Variants in BMAL1 observed in about 807,000 individuals in gnomAD.
BMAL1 encodes the protein basic helix-loop-helix ARNT like 1, also known as basic helix-loop-helix ARNT-like protein 1.
At chr11:13,331,644 G>T in the BMAL1 span, among the ~76,000 whole-genome samples, 1 of 152,200 alleles carries the variant, frequency 6.6e-6, no homozygotes, top group Non-Finnish European at 1.5e-5. Context: ...CCTGGTAGAA[G>T]AATAATAACT....
the BMAL1 span, chr11:13,365,427 A>G: frequency 1.4e-5 from 19 of 1,371,622 alleles, no homozygotes; most frequent in South Asian, 3.7e-5. Context: ...CACATCCTCT[A>G]TTTGTTATCA....
the BMAL1 span, chr11:13,354,244 C>G: frequency 3.3e-6 from 5 of 1,497,148 alleles, no homozygotes; most frequent in Non-Finnish European, 4.5e-6. Context: ...GGTTCTCCAC[C>G]ACTTTTGAGA....
At chr11:13,318,937 C>T in the BMAL1 span, among the ~76,000 whole-genome samples, 1 of 152,072 alleles carries the variant, frequency 6.6e-6, no homozygotes, top group African/African-American at 2.4e-5. Context: ...CTTCTGTGAC[C>T]TCCCCCAACC....
At chr11:13,286,484 A>T in the BMAL1 span, among the ~76,000 whole-genome samples, 4 of 152,164 alleles carry the variant, frequency 2.6e-5, no homozygotes, top group African/African-American at 9.7e-5. Flanking sequence ...TTGATTTCTC[A>T]GGTTCTTCTT....
chr11:13,354,355 T>C, the BMAL1 span: 1 of 1,613,966 alleles, frequency 6.2e-7, no homozygotes, highest in Admixed American at 1.7e-5. Context: ...AGTGATTTCA[T>C]GTCCCCGGGC....
chr11:13,360,136 CAG>C, the BMAL1 span, among the ~76,000 whole-genome samples: 3 of 152,164 alleles, frequency 2.0e-5, no homozygotes, highest in Non-Finnish European at 4.4e-5. Flanking sequence ...CTGTGGGTAA[CAG>C]TGTTCTCTCT....
At chr11:13,321,817 A>G in the BMAL1 span, among the ~76,000 whole-genome samples, 1 of 152,120 alleles carries the variant, frequency 6.6e-6, no homozygotes, top group Admixed American at 6.5e-5. Flanking sequence ...TCTCTCCTTT[A>G]AAGACTATGT....
chr11:13,326,842 CAG>C, the BMAL1 span, among the ~76,000 whole-genome samples: 6 of 151,228 alleles, frequency 4.0e-5, no homozygotes, highest in African/African-American at 1.2e-4. Flanking sequence ...TTTTTTGAGA[CAG>C]AGTCTCGCTC....
the BMAL1 span, among the ~76,000 whole-genome samples, chr11:13,340,168 C>T: frequency 6.6e-6 from 1 of 152,160 alleles, no homozygotes; most frequent in South Asian, 2.1e-4. Flanking sequence ...GGCTTTGGGG[C>T]AGTGGTAGCC....
the BMAL1 span, among the ~76,000 whole-genome samples, chr11:13,339,314 T>C: frequency 1.3e-5 from 2 of 152,112 alleles, no homozygotes; most frequent in African/African-American, 4.8e-5. Flanking sequence ...CCTGGAAATA[T>C]GTCTAGAATC....
the BMAL1 span, chr11:13,385,847 A>T: frequency 7.4e-7 from 1 of 1,351,284 alleles, no homozygotes; most frequent in East Asian, 2.3e-5. Flanking sequence ...CATCTTACAT[A>T]AAGTCAATTT....
chr11:13,321,529 G>C, the BMAL1 span, among the ~76,000 whole-genome samples: 1 of 152,044 alleles, frequency 6.6e-6, no homozygotes, highest in Non-Finnish European at 1.5e-5. Context: ...GCCTTGCTTG[G>C]GGTCCTGCTC....
chr11:13,367,522 A>G, the BMAL1 span, among the ~76,000 whole-genome samples: 1 of 151,950 alleles, frequency 6.6e-6, no homozygotes, highest in Non-Finnish European at 1.5e-5. Flanking sequence ...CCAACATGGC[A>G]AAACCCCGTC....
At chr11:13,285,254 A>G in the BMAL1 span, among the ~76,000 whole-genome samples, 2 of 152,094 alleles carry the variant, frequency 1.3e-5, no homozygotes, top group African/African-American at 4.8e-5. Context: ...TTCATGGTTA[A>G]TTATCTTACG....
At chr11:13,284,302 T>C in the BMAL1 span, among the ~76,000 whole-genome samples, 2 of 144,718 alleles carry the variant, frequency 1.4e-5, no homozygotes, top group African/African-American at 5.1e-5. Context: ...CCCAAATACA[T>C]TTAGATAGTA....
chr11:13,306,430 C>T, the BMAL1 span, among the ~76,000 whole-genome samples: 1 of 152,200 alleles, frequency 6.6e-6, no homozygotes, highest in Non-Finnish European at 1.5e-5. Flanking sequence ...AGGTTTCTAG[C>T]TAGAGCAGCT....
At chr11:13,288,457 G>C in the BMAL1 span, among the ~76,000 whole-genome samples, 2 of 35,136 alleles carry the variant, frequency 5.7e-5, no homozygotes, top group African/African-American at 1.9e-4. Context: ...CACTGAGATT[G>C]GGGGTTTTAG....
chr11:13,374,450 G>C, the BMAL1 span, among the ~76,000 whole-genome samples: 3 of 152,158 alleles, frequency 2.0e-5, no homozygotes, highest in Admixed American at 1.3e-4. Flanking sequence ...GGTTTTCCCA[G>C]ACCCTGTAAA....
chr11:13,374,519 C>T, the BMAL1 span, among the ~76,000 whole-genome samples: 2 of 152,188 alleles, frequency 1.3e-5, no homozygotes, highest in African/African-American at 2.4e-5. Flanking sequence ...GCACTACCTC[C>T]TGTGTTTTCT....
Sources: allele counts gnomAD v4.1 joint callset (sites outside exome capture counted in the v4.1 genomes callset), GRCh38; gene constraint gnomAD v4.1.1; transcripts MANE v1.5; gene names NCBI Gene and HGNC (gene_info 2026-07-23, HGNC 2026-07-21).